Variants in LOC128092252 observed in about 807,000 individuals in gnomAD.
At chr15:50,686,555 G>A in the LOC128092252 span, 5 of 1,609,686 alleles carry the variant, frequency 3.1e-6, no homozygotes, top group Admixed American at 1.7e-5. Context: ...GGCGGACTCC[G>A]GAAGGGCAGC....
the LOC128092252 span, among the ~76,000 whole-genome samples, chr15:50,650,192 C>CAAAAAAA: frequency 5.3e-4 from 33 of 62,288 alleles, no homozygotes; most frequent in Non-Finnish European, 7.4e-4. Context: ...GACTTTGTCT[C>CAAAAAAA]AAAAAAAAAA....
the LOC128092252 span, among the ~76,000 whole-genome samples, chr15:50,649,503 C>A: frequency 3.3e-5 from 5 of 151,206 alleles, no homozygotes; most frequent in Non-Finnish European, 7.4e-5. Context: ...GTGAATGAAC[C>A]ACTAATAATA....
the LOC128092252 span, among the ~76,000 whole-genome samples, chr15:50,655,555 G>A: frequency 1.3e-5 from 2 of 151,644 alleles, no homozygotes; most frequent in African/African-American, 4.8e-5. Context: ...TTATAGACAT[G>A]CTGCTGAAAA....
At chr15:50,655,166 TG>T in the LOC128092252 span, among the ~76,000 whole-genome samples, 1 of 141,844 alleles carries the variant, frequency 7.1e-6, no homozygotes, top group Non-Finnish European at 1.6e-5. Flanking sequence ...CCAAATGCAG[TG>T]GCTCACGCCT....
the LOC128092252 span, among the ~76,000 whole-genome samples, chr15:50,662,269 C>T: frequency 6.6e-6 from 1 of 151,704 alleles, no homozygotes; most frequent in Non-Finnish European, 1.5e-5. Flanking sequence ...AAGAGAATGG[C>T]CTGAACCCTG....
the LOC128092252 span, among the ~76,000 whole-genome samples, chr15:50,668,371 G>A: frequency 7.9e-5 from 12 of 152,274 alleles, no homozygotes; most frequent in African/African-American, 2.6e-4. Flanking sequence ...AAGGATTTGA[G>A]CTATTGACAG....
chr15:50,654,140 G>T, the LOC128092252 span, among the ~76,000 whole-genome samples: 6 of 152,230 alleles, frequency 3.9e-5, no homozygotes, highest in Admixed American at 3.9e-4. Flanking sequence ...ATTTACTCCA[G>T]AACAACAATA....
the LOC128092252 span, among the ~76,000 whole-genome samples, chr15:50,655,437 G>GAA: frequency 1.1e-3 from 95 of 89,372 alleles, 4 homozygotes; most frequent in Middle Eastern, 6.7e-3. Context: ...CATCTCAAAG[G>GAA]AAAAAAAAAA....
the LOC128092252 span, among the ~76,000 whole-genome samples, chr15:50,657,115 G>C: frequency 6.6e-6 from 1 of 152,142 alleles, no homozygotes; most frequent in African/African-American, 2.4e-5. Context: ...CCTGAGGTCA[G>C]GAATTCAAGA....
chr15:50,681,264 T>TACACATACAC, the LOC128092252 span, among the ~76,000 whole-genome samples: 2 of 146,906 alleles, frequency 1.4e-5, no homozygotes, highest in Admixed American at 6.8e-5. Flanking sequence ...AATAAATAAA[T>TACACATACAC]ACACACACAC....
the LOC128092252 span, among the ~76,000 whole-genome samples, chr15:50,684,023 C>G: frequency 1.3e-5 from 2 of 151,950 alleles, no homozygotes; most frequent in African/African-American, 2.4e-5. Context: ...CGACGCCCTG[C>G]TAATTTTTAG....
chr15:50,657,694 C>T, the LOC128092252 span: 1 of 1,197,056 alleles, frequency 8.4e-7, no homozygotes, highest in Non-Finnish European at 1.2e-6. Flanking sequence ...ATGTGAGTTT[C>T]ATGCCACTGT....
At chr15:50,680,752 A>AT in the LOC128092252 span, among the ~76,000 whole-genome samples, 1 of 152,204 alleles carries the variant, frequency 6.6e-6, no homozygotes, top group African/African-American at 2.4e-5. Flanking sequence ...TTAACTTGAC[A>AT]TAACACCTGT....
At chr15:50,669,002 T>A in the LOC128092252 span, among the ~76,000 whole-genome samples, 2 of 152,316 alleles carry the variant, frequency 1.3e-5, no homozygotes, top group Non-Finnish European at 2.9e-5. Context: ...GCAGTCCCTG[T>A]ACAGGGTTCC....
the LOC128092252 span, among the ~76,000 whole-genome samples, chr15:50,658,050 G>A: frequency 2.0e-5 from 3 of 149,456 alleles, no homozygotes; most frequent in Admixed American, 6.7e-5. Context: ...TGTTGCCCAG[G>A]CTGGAGTCCA....
At chr15:50,656,030 G>A in the LOC128092252 span, among the ~76,000 whole-genome samples, 1 of 151,312 alleles carries the variant, frequency 6.6e-6, no homozygotes. Context: ...AACCCCTGCT[G>A]CAATAAAATA....
At chr15:50,654,862 G>A in the LOC128092252 span, among the ~76,000 whole-genome samples, 1 of 149,974 alleles carries the variant, frequency 6.7e-6, no homozygotes, top group Non-Finnish European at 1.5e-5. Context: ...CTACCCGGGT[G>A]TGGCAGCAGG....
chr15:50,663,432 C>T, the LOC128092252 span, among the ~76,000 whole-genome samples: 1 of 152,020 alleles, frequency 6.6e-6, no homozygotes, highest in Non-Finnish European at 1.5e-5. Context: ...GGCCCATAAA[C>T]ACTTCTATAC....
the LOC128092252 span, among the ~76,000 whole-genome samples, chr15:50,669,615 T>A: frequency 6.6e-6 from 1 of 152,204 alleles, no homozygotes; most frequent in African/African-American, 2.4e-5. Flanking sequence ...CTATAACTTG[T>A]CTTTAGTAAA....
Sources: gnomAD v4.1 joint callset for allele counts (sites outside exome capture counted in the v4.1 genomes callset) on GRCh38, gnomAD v4.1.1 for gene constraint, MANE v1.5 for transcripts.